SVIL: variants seen among roughly 807,000 people sequenced by gnomAD.
SVIL encodes archvillin.
In SVIL, 101 loss-of-function variants were observed where a neutral mutation model predicts 240.4. That is an observed-to-expected ratio of 0.42 (90% CI 0.36 to 0.50). The LOEUF (loss-of-function observed/expected upper bound fraction) is 0.50, where lower values mean the gene tolerates loss of function less well. SVIL is among the 20% of genes least tolerant of loss of function. The pLI is 0.01. For missense variants in SVIL, 2,512 were observed against 2,818.7 expected (o/e 0.89, Z 2.46); for synonymous variants, 999 against 1,100.0 (o/e 0.91, Z 1.82).
At chr10:29,636,667 TACTC>T (rs1465298968), upstream of SVIL, among the ~76,000 whole-genome samples, 2 of 152,250 alleles carry the variant, frequency 1.3e-5, no homozygotes, top group Admixed American at 1.3e-4. Flanking sequence ...AGACTCATCA[TACTC>T]ACTTCTTTCC....
intron 3 of SVIL, among the ~76,000 whole-genome samples, chr10:29,645,785 A>T (rs1337877542): frequency 6.6e-6 from 1 of 152,214 alleles, no homozygotes; most frequent in Non-Finnish European, 1.5e-5. Flanking sequence ...TGGACTACTA[A>T]AGTGGATTAT....
intron 6 of SVIL, 72 bp from the exon 7 acceptor site, chr10:29,536,141 C>A: frequency 7.0e-7 from 1 of 1,430,742 alleles, no homozygotes; most frequent in South Asian, 1.2e-5. Flanking sequence ...TTTACCATAA[C>A]TTAAAACCTA....
intron 2 of SVIL, among the ~76,000 whole-genome samples, chr10:29,680,344 G>A (rs1159073932): frequency 1.3e-5 from 2 of 152,234 alleles, no homozygotes; most frequent in Non-Finnish European, 2.9e-5. Flanking sequence ...GGCATCTTTA[G>A]TGATCAGTCA....
chr10:29,586,143 C>T (rs2368368), intron 1 of SVIL, among the ~76,000 whole-genome samples: 40,671 of 152,088 alleles, frequency 0.27, 5,502 homozygotes, highest in East Asian at 0.29. Context: ...CGTGGATGCT[C>T]GGCTGTGGCT....
chr10:29,621,304 G>A (rs1957629786), intron 1 of SVIL, among the ~76,000 whole-genome samples: 1 of 152,246 alleles, frequency 6.6e-6, no homozygotes, highest in African/African-American at 2.4e-5. Context: ...GCTGCGGGAA[G>A]GCAGGAACGC....
intron 1 of SVIL, chr10:29,576,174 T>C: frequency 2.1e-6 from 2 of 951,066 alleles, no homozygotes; most frequent in Non-Finnish European, 2.5e-6. Context: ...CAATGGTAAA[T>C]AAGACCTTTA....
At chr10:29,585,086 CTTTT>C (rs111923900) in intron 1 of SVIL, among the ~76,000 whole-genome samples, 1 of 145,500 alleles carries the variant, frequency 6.9e-6, no homozygotes. Flanking sequence ...ATTCTTCTTC[CTTTT>C]TTTTTTTTTT....
At chr10:29,682,695 T>C (rs1042344953) in intron 2 of SVIL, among the ~76,000 whole-genome samples, 6 of 152,150 alleles carry the variant, frequency 3.9e-5, no homozygotes, top group African/African-American at 1.4e-4. Context: ...GAAAGAGGAG[T>C]ATACAAATTC....
chr10:29,581,084 T>A (rs1197718056), intron 1 of SVIL, among the ~76,000 whole-genome samples: 2 of 152,228 alleles, frequency 1.3e-5, no homozygotes, highest in Admixed American at 6.5e-5. Context: ...TGAAATCTAC[T>A]ATAAGCTACT....
rs575374123 is a variant in SVIL, at chr10:29,619,368, A to T, written c.-201+15052T>A. Among the ~76,000 whole-genome samples, 14 of 152,352 alleles carry T rather than the reference A, an allele frequency of 9.2e-5. No individual in the cohort carries two copies. In the South Asian group the frequency reaches 2.9e-3, roughly 32 times the overall value. ...CTTTAATGACTCTTCTGCCAAAATG[A>T]TTTTGTTCAGTTAAAACTAAAACTA... On this transcript the variant is annotated intron_variant, in intron 1 of 37. Coordinates refer to ENST00000355867, the MANE Select transcript of SVIL (RefSeq NM_021738.3).
Position 29,527,166 on chromosome 10 carries a change from G to C in SVIL, c.2247-110C>G, listed in dbSNP as rs1589120390. 6 of 1,003,408 alleles carry C rather than the reference G, an allele frequency of 6.0e-6. No individual in the cohort carries two copies. In the East Asian group the frequency reaches 1.3e-4, roughly 22 times the overall value. The allele number at this position is 1,003,408 out of a possible 1,614,324, so 62.2% of individuals were successfully genotyped here. A position where few individuals can be genotyped will look rare whatever the true frequency, so the allele number is the denominator to read the frequency against. On this transcript the variant is annotated intron_variant, in intron 12 of 37. Transcript: ENST00000355867. The stretch of plus-strand genomic sequence containing the variant: ...AAACGTTAAATCAAAAATTTTAACA[G>C]AATATTTTGCTAATTATTTTTGGGG...
intron 1 of SVIL, among the ~76,000 whole-genome samples, chr10:29,631,943 A>G (rs1466578943): frequency 6.6e-6 from 1 of 152,196 alleles, no homozygotes; most frequent in Non-Finnish European, 1.5e-5. Flanking sequence ...GGATACTCCC[A>G]GTCACAGCAA....
At chr10:29,660,722 T>C (rs904802493) in intron 2 of SVIL, among the ~76,000 whole-genome samples, 1 of 152,198 alleles carries the variant, frequency 6.6e-6, no homozygotes, top group Admixed American at 6.5e-5. Context: ...GCTCACGTCT[T>C]CCCCTGGCTC....
intron 16 of SVIL, among the ~76,000 whole-genome samples, chr10:29,514,108 T>A (rs1234765266): frequency 6.6e-6 from 1 of 152,124 alleles, no homozygotes; most frequent in Admixed American, 6.5e-5. Flanking sequence ...ATGGGCCAGG[T>A]CTTATTGATA....
chr10:29,460,562 T>G (rs2132263167), intron 36 of SVIL, among the ~76,000 whole-genome samples: 1 of 152,270 alleles, frequency 6.6e-6, no homozygotes, highest in South Asian at 2.1e-4. Context: ...TTCGAGAAAG[T>G]TATATTTGTC....
At chr10:29,605,649 T>C (rs1377155728) in intron 1 of SVIL, among the ~76,000 whole-genome samples, 1 of 145,084 alleles carries the variant, frequency 6.9e-6, no homozygotes, top group Non-Finnish European at 1.5e-5. Flanking sequence ...GTTTTCCTAG[T>C]TTTTTTTTTC....
intron 1 of SVIL, among the ~76,000 whole-genome samples, chr10:29,597,027 G>GT (rs1165995229): frequency 6.6e-6 from 1 of 152,174 alleles, no homozygotes; most frequent in Non-Finnish European, 1.5e-5. Context: ...GTCTGGTGAT[G>GT]GTCCAGCAAC....
chr10:29,700,507 G>A (rs944063082), intron 1 of SVIL, among the ~76,000 whole-genome samples: 3 of 120,620 alleles, frequency 2.5e-5, no homozygotes, highest in African/African-American at 9.7e-5. Context: ...GATATGCTCT[G>A]TCGCCCAGCC....
chr10:29,580,945 C>A (rs1428079085), intron 1 of SVIL, among the ~76,000 whole-genome samples: 1 of 152,150 alleles, frequency 6.6e-6, no homozygotes, highest in Non-Finnish European at 1.5e-5. Context: ...ATCAAACCAA[C>A]CATGAGCTGG....
Sources: allele counts gnomAD v4.1 joint callset (sites outside exome capture counted in the v4.1 genomes callset), GRCh38; gene constraint gnomAD v4.1.1; transcripts MANE v1.5; gene names NCBI Gene and HGNC (gene_info 2026-07-23, HGNC 2026-07-21).